The following SGCZ variants were observed in gnomAD, a reference collection of about 807,000 sequenced individuals.
The protein encoded by SGCZ is sarcoglycan zeta.
SGCZ carries 40 observed loss-of-function variants against 41.3 expected under a neutral mutation model. The ratio of observed to expected loss-of-function variants is 0.97; its 90% CI spans 0.75 to 1.26. The LOEUF (loss-of-function observed/expected upper bound fraction) is 1.26, where lower values mean the gene tolerates loss of function less well. Among genes scored for constraint, SGCZ ranks in the 50% most tolerant of loss-of-function variants. The pLI, the probability that SGCZ is intolerant of heterozygous loss-of-function variation, is 0.00. For missense variants in SGCZ, 552 were observed against 369.8 expected (o/e 1.49, Z -4.04); for synonymous variants, 206 against 137.5 (o/e 1.50, Z -3.49).
intron 1 of SGCZ, among the ~76,000 whole-genome samples, chr8:14,667,569 A>G (rs1807950805): frequency 6.6e-6 from 1 of 152,134 alleles, no homozygotes; most frequent in Admixed American, 6.5e-5. Context: ...CCAAACTATA[A>G]AAAAATATAA....
chr8:15,045,349 C>A (rs912891463), intron 1 of SGCZ, among the ~76,000 whole-genome samples: 2 of 152,040 alleles, frequency 1.3e-5, no homozygotes, highest in South Asian at 4.1e-4. Flanking sequence ...ATGACTTTCT[C>A]TTATCCAGTG....
At chr8:14,119,978 G>C (rs1004386439) in intron 5 of SGCZ, among the ~76,000 whole-genome samples, 1 of 151,988 alleles carries the variant, frequency 6.6e-6, no homozygotes, top group Non-Finnish European at 1.5e-5. Flanking sequence ...ATTTTTTTGA[G>C]GATTTTTGCA....
chr8:14,782,135 G>A (rs1800609371), intron 1 of SGCZ, among the ~76,000 whole-genome samples: 1 of 152,044 alleles, frequency 6.6e-6, no homozygotes, highest in Non-Finnish European at 1.5e-5. Context: ...TCTATAAAAT[G>A]AAAAAATTGG....
chr8:14,619,313 A>G (rs537851836), intron 1 of SGCZ, among the ~76,000 whole-genome samples: 143 of 152,306 alleles, frequency 9.4e-4, no homozygotes, highest in African/African-American at 3.3e-3. Context: ...GCTATCTATG[A>G]CAAACCCACA....
At chr8:14,146,460 G>C (rs1803523095) in intron 5 of SGCZ, among the ~76,000 whole-genome samples, 2 of 152,030 alleles carry the variant, frequency 1.3e-5, no homozygotes, top group Admixed American at 1.3e-4. Context: ...TGACCACAAA[G>C]AAAAGGACAT....
chr8:14,320,675 C>T (rs978208075), intron 3 of SGCZ, among the ~76,000 whole-genome samples: 10 of 151,932 alleles, frequency 6.6e-5, no homozygotes, highest in African/African-American at 2.2e-4. Flanking sequence ...ACACGGGCAT[C>T]CTGAGAACTC....
intron 2 of SGCZ, among the ~76,000 whole-genome samples, chr8:14,526,095 T>G (rs536953494): frequency 6.6e-6 from 1 of 152,116 alleles, no homozygotes; most frequent in Non-Finnish European, 1.5e-5. Flanking sequence ...TTGCTGAAAG[T>G]GCACAATAGA....
At chr8:14,359,827 AAAC>A (rs1226852469) in intron 2 of SGCZ, among the ~76,000 whole-genome samples, 24 of 152,020 alleles carry the variant, frequency 1.6e-4, no homozygotes, top group African/African-American at 5.6e-4. Flanking sequence ...AAAAAAAAAA[AAAC>A]AAATATCCCG....
intron 2 of SGCZ, among the ~76,000 whole-genome samples, chr8:14,325,943 T>C (rs1424196029): frequency 1.4e-5 from 2 of 147,356 alleles, no homozygotes; most frequent in Non-Finnish European, 3.0e-5. Context: ...AAACCCTGTC[T>C]CTACTAAAAA....
At chr8:14,556,279 AAATG>A (rs1335935935) in intron 1 of SGCZ, among the ~76,000 whole-genome samples, 1 of 151,750 alleles carries the variant, frequency 6.6e-6, no homozygotes, top group African/African-American at 2.4e-5. Context: ...TATACTTATT[AAATG>A]ACGAATCTAA....
At chr8:14,408,757 T>A (rs1273505693) in intron 2 of SGCZ, among the ~76,000 whole-genome samples, 3 of 152,140 alleles carry the variant, frequency 2.0e-5, no homozygotes, top group African/African-American at 7.2e-5. Flanking sequence ...CTGAATTTTC[T>A]AAATCCCTAC....
chr8:14,436,360 C>G (rs1800091637), intron 2 of SGCZ, among the ~76,000 whole-genome samples: 1 of 152,166 alleles, frequency 6.6e-6, no homozygotes, highest in African/African-American at 2.4e-5. Flanking sequence ...GTTCTTTGTT[C>G]TTCGCATGAA....
At chr8:15,147,567 C>T (rs1303073051) in intron 1 of SGCZ, among the ~76,000 whole-genome samples, 10 of 152,180 alleles carry the variant, frequency 6.6e-5, no homozygotes, top group African/African-American at 2.4e-4. Flanking sequence ...CGTGAGCTGC[C>T]GTACCCGGCT....
rs1393762094 is a variant in SGCZ, at chr8:14,085,081, G to T, written c.*5362C>A. ...TTCCATCTAAACAAAAGATACAATA[G>T]ACTGATTTTTGAATAGATATGTTAT... On this transcript the variant is annotated 3_prime_UTR_variant, in exon 8 of 8. Coordinates refer to ENST00000382080, the MANE Select transcript of SGCZ (RefSeq NM_139167.4). Among the ~76,000 whole-genome samples, 1 of 151,614 alleles carries T rather than the reference G, an allele frequency of 6.6e-6. No homozygotes were observed. Among genetic ancestry groups the T allele is most frequent in the Non-Finnish European group, 1.5e-5 (1 of 67,816 alleles).
chr8:14,494,620 A>G (rs150566690), intron 2 of SGCZ, among the ~76,000 whole-genome samples: 54 of 152,286 alleles, frequency 3.5e-4, no homozygotes, highest in African/African-American at 1.2e-3. Flanking sequence ...TTTTCAATTT[A>G]CCAATACTTG....
chr8:14,488,120 G>A (rs967036834), intron 2 of SGCZ, among the ~76,000 whole-genome samples: 1 of 110,212 alleles, frequency 9.1e-6, no homozygotes, highest in Admixed American at 9.4e-5. Flanking sequence ...GACACGAAAA[G>A]AGTTCTGAAC....
intron 1 of SGCZ, among the ~76,000 whole-genome samples, chr8:15,016,471 T>C (rs1803037953): frequency 6.6e-6 from 1 of 152,126 alleles, no homozygotes; most frequent in Non-Finnish European, 1.5e-5. Context: ...TCCCAATAGA[T>C]GTCTCAGGTA....
intron 1 of SGCZ, among the ~76,000 whole-genome samples, chr8:15,227,624 A>C (rs1011206904): frequency 1.3e-5 from 2 of 152,218 alleles, no homozygotes; most frequent in African/African-American, 4.8e-5. Context: ...TAACATTCTC[A>C]AATTGTAGTT....
chr8:14,337,287 C>T (rs1471251310), intron 2 of SGCZ, among the ~76,000 whole-genome samples: 1 of 152,068 alleles, frequency 6.6e-6, no homozygotes, highest in Admixed American at 6.6e-5. Flanking sequence ...AGTTGCAACA[C>T]AAAGCTGTGT....
Sources: allele counts gnomAD v4.1 joint callset (sites outside exome capture counted in the v4.1 genomes callset), GRCh38; gene constraint gnomAD v4.1.1; transcripts MANE v1.5; gene names NCBI Gene and HGNC (gene_info 2026-07-23, HGNC 2026-07-21).